Variants in ATG10 observed in about 807,000 individuals in gnomAD.
ATG10 encodes the protein autophagy related 10.
A neutral mutation model predicts 32.1 loss-of-function variants in ATG10; 30 were observed. That is an observed-to-expected ratio of 0.94 (90% CI 0.70 to 1.27). The LOEUF (loss-of-function observed/expected upper bound fraction) is 1.27, where lower values mean the gene tolerates loss of function less well. Ranked by LOEUF, ATG10 falls within the 50% of genes most tolerant of loss-of-function variation. The pLI, the probability that ATG10 is intolerant of heterozygous loss-of-function variation, is 0.00. For missense variants in ATG10, 233 were observed against 262.3 expected (o/e 0.89, Z 0.77); for synonymous variants, 87 against 91.5 (o/e 0.95, Z 0.28).
At chr5:82,224,455 C>CAAA (rs1305209221) in intron 5 of ATG10, among the ~76,000 whole-genome samples, 1 of 152,092 alleles carries the variant, frequency 6.6e-6, no homozygotes, top group East Asian at 1.9e-4. Flanking sequence ...TTCAGCTTTA[C>CAAA]CTAAGAAGCA....
Position 82,140,909 on chromosome 5 carries a change from G to T in ATG10, c.217-23490G>T, listed in dbSNP as rs867513926. On this transcript the variant is annotated intron_variant, in intron 3 of 7. Transcript: ENST00000282185. Reference sequence around the variant, plus strand: ...AATTCCTCTGCCTTGGGATCCTGTTGATCTGTGACCTTACCCCCAACCCTG... The same window carrying T: ...AATTCCTCTGCCTTGGGATCCTGTTTATCTGTGACCTTACCCCCAACCCTG... 3.9e-3 allele frequency among the ~76,000 whole-genome samples: 258 copies of T among 66,798 alleles called. 1 individual carries two copies. The highest frequency in any genetic ancestry group is 0.014 in the African/African-American group (241 of 17,354). 43.8% of individuals were successfully genotyped at this position (66,798 alleles called of 152,430 possible).
intron 3 of ATG10, among the ~76,000 whole-genome samples, chr5:82,123,482 T>C (rs905214917): frequency 5.3e-5 from 8 of 150,348 alleles, no homozygotes; most frequent in African/African-American, 1.5e-4. Flanking sequence ...AGTTTATCTA[T>C]ATAACAAAAC....
chr5:82,118,424 G>A (rs1196536642), intron 3 of ATG10, among the ~76,000 whole-genome samples: 1 of 56,196 alleles, frequency 1.8e-5, no homozygotes, highest in Non-Finnish European at 3.7e-5. Flanking sequence ...ATATTCCCTA[G>A]CACCTGACCC....
intron 5 of ATG10, among the ~76,000 whole-genome samples, chr5:82,245,005 C>G (rs1561376565): frequency 6.6e-6 from 1 of 152,196 alleles, no homozygotes; most frequent in Non-Finnish European, 1.5e-5. Flanking sequence ...TGCATTTCCA[C>G]ACGGACATTT....
intron 2 of ATG10, among the ~76,000 whole-genome samples, chr5:82,057,501 T>C (rs891118393): frequency 6.6e-6 from 1 of 152,150 alleles, no homozygotes; most frequent in African/African-American, 2.4e-5. Context: ...ATGGCTTTCT[T>C]CCCTGTTTGT....
intron 3 of ATG10, among the ~76,000 whole-genome samples, chr5:82,103,506 T>G (rs1433528593): frequency 6.6e-6 from 1 of 152,146 alleles, no homozygotes; most frequent in Non-Finnish European, 1.5e-5. Flanking sequence ...ACCTGGGGCT[T>G]GTTAACAGGT....
At chr5:82,095,979 T>G (rs912319774) in intron 3 of ATG10, among the ~76,000 whole-genome samples, 4 of 152,368 alleles carry the variant, frequency 2.6e-5, no homozygotes, top group South Asian at 2.1e-4. Context: ...CTCTGGAGAC[T>G]TCACAGAGGC....
intron 3 of ATG10, among the ~76,000 whole-genome samples, chr5:82,161,413 C>T (rs1325656418): frequency 2.0e-5 from 3 of 152,080 alleles, no homozygotes; most frequent in Non-Finnish European, 2.9e-5. Context: ...TTTCTTGAGC[C>T]TCCTACCTGT....
At chr5:82,007,641 A>G (rs1762020635) in intron 2 of ATG10, among the ~76,000 whole-genome samples, 1 of 152,048 alleles carries the variant, frequency 6.6e-6, no homozygotes. Flanking sequence ...TTTTGTAGAG[A>G]TGAGGTCTCA....
chr5:82,142,477 G>A (rs1197303349), intron 3 of ATG10, among the ~76,000 whole-genome samples: 1 of 152,176 alleles, frequency 6.6e-6, no homozygotes, highest in Non-Finnish European at 1.5e-5. Flanking sequence ...GAGACAGCAG[G>A]AGAACTACAA....
At chr5:82,140,595 T>TG (rs1281378569) in intron 3 of ATG10, among the ~76,000 whole-genome samples, 1 of 21,858 alleles carries the variant, frequency 4.6e-5, no homozygotes, top group Admixed American at 4.7e-4. Flanking sequence ...GGGAGGGAGG[T>TG]GGGGGGGGGG....
chr5:82,043,375 C>T (rs1157183979), intron 2 of ATG10, among the ~76,000 whole-genome samples: 1 of 152,220 alleles, frequency 6.6e-6, no homozygotes, highest in East Asian at 1.9e-4. Context: ...CTTCCTAGGG[C>T]TCCAGGGCTG....
intron 5 of ATG10, among the ~76,000 whole-genome samples, chr5:82,242,626 G>T (rs1746849893): frequency 6.6e-6 from 1 of 152,132 alleles, no homozygotes; most frequent in African/African-American, 2.4e-5. Context: ...CAATTAGACT[G>T]ATAGTCGACT....
intron 4 of ATG10, among the ~76,000 whole-genome samples, chr5:82,174,003 A>G (rs1377698392): frequency 6.6e-6 from 1 of 152,198 alleles, no homozygotes; most frequent in Non-Finnish European, 1.5e-5. Context: ...TTCTTTATAC[A>G]TATATAAATA....
chr5:82,218,854 T>C (rs1195393139), intron 5 of ATG10, among the ~76,000 whole-genome samples: 1 of 152,204 alleles, frequency 6.6e-6, no homozygotes, highest in Admixed American at 6.5e-5. Flanking sequence ...TCATTAAGAC[T>C]CTGTCAAGTT....
At chr5:82,136,595 A>G (rs1448965698) in intron 3 of ATG10, among the ~76,000 whole-genome samples, 2 of 152,186 alleles carry the variant, frequency 1.3e-5, no homozygotes, top group African/African-American at 2.4e-5. Flanking sequence ...AGAGAGATCC[A>G]CTGTTAGTCT....
At chr5:82,251,752 T>C (rs1285063566) in intron 5 of ATG10, among the ~76,000 whole-genome samples, 1 of 152,204 alleles carries the variant, frequency 6.6e-6, no homozygotes, top group East Asian at 1.9e-4. Flanking sequence ...GTAGAACTTG[T>C]GCACAGATTA....
At chr5:82,200,680 G>T (rs559281799) in intron 5 of ATG10, among the ~76,000 whole-genome samples, 29 of 150,350 alleles carry the variant, frequency 1.9e-4, no homozygotes, top group African/African-American at 6.8e-4. Context: ...TTTTAAATTA[G>T]ATTCTTTTAT....
At chr5:82,016,408 C>T (rs1242085199) in intron 2 of ATG10, among the ~76,000 whole-genome samples, 1 of 152,072 alleles carries the variant, frequency 6.6e-6, no homozygotes, top group African/African-American at 2.4e-5. Context: ...GGCTTTATTT[C>T]TGGGTTCTCT....
Sources: gnomAD v4.1 joint callset for allele counts (sites outside exome capture counted in the v4.1 genomes callset) on GRCh38, gnomAD v4.1.1 for gene constraint, MANE v1.5 for transcripts, NCBI Gene and HGNC (gene_info 2026-07-23, HGNC 2026-07-21) for gene names.